The following SLC2A14 variants were observed in gnomAD, a reference collection of about 807,000 sequenced individuals.
The protein encoded by SLC2A14 is solute carrier family 2 member 14, also known as solute carrier family 2, facilitated glucose transporter member 14.
In SLC2A14, 13 loss-of-function variants were observed where a neutral mutation model predicts 43.0. The observed-to-expected ratio is 0.30, with a 90% CI of 0.20 to 0.48. The LOEUF (loss-of-function observed/expected upper bound fraction) is 0.48. Ranked by LOEUF, SLC2A14 falls within the 20% of genes least tolerant of loss-of-function variation. The pLI is 0.99. For missense variants in SLC2A14, 428 were observed against 620.4 expected (o/e 0.69, Z 3.29); for synonymous variants, 190 against 233.8 (o/e 0.81, Z 1.71).
At chr12:7,854,386 C>G (rs1867181224) in intron 2 of SLC2A14, among the ~76,000 whole-genome samples, 1 of 152,194 alleles carries the variant, frequency 6.6e-6, no homozygotes, top group Non-Finnish European at 1.5e-5. Flanking sequence ...TCGCACATGT[C>G]TGCTACACCA....
chr12:7,877,009 T>C (rs748723901), upstream of SLC2A14, among the ~76,000 whole-genome samples: 31 of 150,556 alleles, frequency 2.1e-4, 1 homozygote, highest in South Asian at 6.5e-3. Flanking sequence ...TTTTTTCTTT[T>C]TTTTTTTTTT....
intron 5 of SLC2A14, among the ~76,000 whole-genome samples, chr12:7,829,461 G>C (rs1426128333): frequency 6.6e-6 from 1 of 151,076 alleles, no homozygotes; most frequent in Admixed American, 6.6e-5. Context: ...TCGGGAGGCT[G>C]AGGCATGAGA....
chr12:7,871,093 C>A, intron 1 of SLC2A14: 1 of 1,360,942 alleles, frequency 7.3e-7, no homozygotes, highest in Non-Finnish European at 9.8e-7. Flanking sequence ...GGCCCCAGGG[C>A]CCATCAACTT....
At chr12:7,826,863 TTCTTTCTTTC>T (rs1338987699) in intron 7 of SLC2A14, among the ~76,000 whole-genome samples, 4 of 24,862 alleles carry the variant, frequency 1.6e-4, no homozygotes, top group Non-Finnish European at 3.0e-4. Context: ...CCTTTCTTTT[TTCTTTCTTTC>T]TTTCTTTCTT....
chr12:7,817,824 TA>T lies in SLC2A14; in HGVS notation c.1275+6del, dbSNP rs1863610494. 6.2e-7 allele frequency: 1 copy of T among 1,607,692 alleles called. No individual in the cohort carries two copies. Among genetic ancestry groups the T allele is most frequent in the Non-Finnish European group, 8.5e-7 (1 of 1,176,738 alleles). On this transcript the variant is annotated splice_donor_region_variant and intron_variant, in intron 10 of 10. Coordinates refer to ENST00000431042, the MANE Select transcript of SLC2A14 (RefSeq NM_001286234.2). ...CATAGATACATAGATAAGGTGAGTTTACTTACAGCAGCAGAGGGGAAGAGCA... is the reference window on the plus strand; with the variant it reads ...CATAGATACATAGATAAGGTGAGTTTCTTACAGCAGCAGAGGGGAAGAGCA...
At chr12:7,832,091 G>C (rs760613508) in intron 3 of SLC2A14, among the ~76,000 whole-genome samples, 1 of 152,358 alleles carries the variant, frequency 6.6e-6, no homozygotes, top group African/African-American at 2.4e-5. Flanking sequence ...CTGGGTGACA[G>C]AGCGAGACTA....
chr12:7,865,531 T>G (rs1944861472), intron 2 of SLC2A14, among the ~76,000 whole-genome samples: 1 of 151,378 alleles, frequency 6.6e-6, no homozygotes, highest in African/African-American at 2.4e-5. Flanking sequence ...AGTGAGACTC[T>G]GTCTCAAAAA....
chr12:7,883,590 C>CT (rs1204450230), intron 1 of SLC2A14, among the ~76,000 whole-genome samples: 1,882 of 95,150 alleles, frequency 0.02, 53 homozygotes, highest in African/African-American at 0.037. Flanking sequence ...TTTTTCTTTT[C>CT]TTTTTTTTTT....
chr12:7,844,551 T>G (rs948418342), intron 2 of SLC2A14, among the ~76,000 whole-genome samples: 2 of 151,850 alleles, frequency 1.3e-5, no homozygotes, highest in Non-Finnish European at 2.9e-5. Flanking sequence ...TCCTTTTTTT[T>G]TTTTAGACAG....
At chr12:7,884,218 C>G (rs951343492) in intron 1 of SLC2A14, among the ~76,000 whole-genome samples, 7 of 152,118 alleles carry the variant, frequency 4.6e-5, no homozygotes, top group Non-Finnish European at 1.0e-4. Context: ...CCGCGCCCAG[C>G]CTGAATTTCC....
chr12:7,843,840 A>G (rs1222688957), intron 2 of SLC2A14, among the ~76,000 whole-genome samples: 1 of 151,788 alleles, frequency 6.6e-6, no homozygotes, highest in South Asian at 2.1e-4. Context: ...AGACGTTCCA[A>G]TTACAAAACT....
chr12:7,872,589 A>G (rs2121075502), intron 1 of SLC2A14: 1 of 231,616 alleles, frequency 4.3e-6, no homozygotes, highest in East Asian at 1.8e-4. Context: ...GGATCCCAGC[A>G]CCTAGAGCGG....
intron 1 of SLC2A14, chr12:7,871,024 A>G: frequency 7.0e-7 from 1 of 1,434,484 alleles, no homozygotes. Context: ...ACAGCACGAC[A>G]AGCTGGCTTC....
chr12:7,874,760 T>TAAA (rs1945389829), upstream of SLC2A14, among the ~76,000 whole-genome samples: 1 of 47,504 alleles, frequency 2.1e-5, no homozygotes, highest in African/African-American at 8.5e-5. Context: ...AATATTTATA[T>TAAA]AACTATATAA....
intron 2 of SLC2A14, among the ~76,000 whole-genome samples, chr12:7,834,791 T>C (rs1865310665): frequency 1.3e-5 from 2 of 152,140 alleles, no homozygotes; most frequent in South Asian, 4.1e-4. Flanking sequence ...AGGAACCTGA[T>C]GCTCAAAAAC....
chr12:7,871,119 C>A, intron 1 of SLC2A14: 1 of 1,340,894 alleles, frequency 7.5e-7, no homozygotes, highest in East Asian at 3.9e-5. Flanking sequence ...CTTCCCTCAC[C>A]ATGTTTGGGG....
At chr12:7,838,521 A>G (rs1225897856) in intron 2 of SLC2A14, among the ~76,000 whole-genome samples, 1 of 152,090 alleles carries the variant, frequency 6.6e-6, no homozygotes, top group African/African-American at 2.4e-5. Context: ...CTGTCCCACA[A>G]TTATATTATG....
At chr12:7,890,742 G>A (rs1945762028) in intron 1 of SLC2A14, 2 of 251,600 alleles carry the variant, frequency 7.9e-6, no homozygotes, top group African/African-American at 4.5e-5. Flanking sequence ...GGGACAGGGA[G>A]CGGGGGATGG....
At chr12:7,855,703 C>CAGCTCACTGCAACCTCAGT (rs368095578) in intron 2 of SLC2A14, among the ~76,000 whole-genome samples, 8 of 151,618 alleles carry the variant, frequency 5.3e-5, no homozygotes, top group Non-Finnish European at 1.5e-5. Context: ...AGTTGCACGG[C>CAGCTCACTGCAACCTCAGT]TTCAGCTCAC....
Sources: gnomAD v4.1 joint callset for allele counts (sites outside exome capture counted in the v4.1 genomes callset) on GRCh38, gnomAD v4.1.1 for gene constraint, MANE v1.5 for transcripts, NCBI Gene and HGNC (gene_info 2026-07-23, HGNC 2026-07-21) for gene names.